CRK: variants seen among roughly 807,000 people sequenced by gnomAD.
The protein encoded by CRK is adapter molecule crk.
A neutral mutation model predicts 29.8 loss-of-function variants in CRK; 4 were observed. The ratio of observed to expected loss-of-function variants is 0.13; its 90% CI spans 0.07 to 0.31. The LOEUF (loss-of-function observed/expected upper bound fraction) is 0.31. Ranked by LOEUF, CRK falls within the 10% of genes least tolerant of loss-of-function variation. The probability of loss-of-function intolerance (pLI) is 1.00; values close to 1 mark genes in which losing one functional copy is unlikely to be tolerated. For missense variants in CRK, 274 were observed against 396.5 expected (o/e 0.69, Z 2.62); for synonymous variants, 153 against 164.9 (o/e 0.93, Z 0.55).
At chr17:1,452,965 C>T (rs2074029995) in intron 1 of CRK, among the ~76,000 whole-genome samples, 1 of 151,978 alleles carries the variant, frequency 6.6e-6, no homozygotes, top group South Asian at 2.1e-4. Flanking sequence ...AACAGTTAAC[C>T]AGGCATGGTG....
intron 1 of CRK, among the ~76,000 whole-genome samples, chr17:1,437,632 G>C (rs1308057274): frequency 6.6e-6 from 1 of 151,744 alleles, no homozygotes; most frequent in Non-Finnish European, 1.5e-5. Context: ...TTACAGAGCA[G>C]TGTAAGCCTC....
At chr17:1,452,957 C>T (rs1350042451) in intron 1 of CRK, among the ~76,000 whole-genome samples, 1 of 151,980 alleles carries the variant, frequency 6.6e-6, no homozygotes, top group Non-Finnish European at 1.5e-5. Context: ...AAATTTTCAA[C>T]AGTTAACCAG....
At chr17:1,453,280 T>C (rs902788513) in intron 1 of CRK, among the ~76,000 whole-genome samples, 4 of 152,186 alleles carry the variant, frequency 2.6e-5, no homozygotes, top group African/African-American at 9.7e-5. Flanking sequence ...GGTGCTCGAT[T>C]ATCACGGTAA....
chr17:1,428,118 C>A (rs1251250841), intron 2 of CRK, among the ~76,000 whole-genome samples: 1 of 135,858 alleles, frequency 7.4e-6, no homozygotes, highest in Admixed American at 7.5e-5. Flanking sequence ...TTCTTTCAGA[C>A]TTTTTTTTTT....
At chr17:1,437,183 T>C (rs369347817) in intron 1 of CRK, 28 bp from the exon 2 acceptor site, 5 of 1,560,926 alleles carry the variant, frequency 3.2e-6, no homozygotes, top group Non-Finnish European at 4.3e-6. Flanking sequence ...GGCTGTTATT[T>C]AATGATGTAC....
chr17:1,436,518 CA>C, intron 2 of CRK, 101 bp downstream of exon 2: 1 of 1,306,462 alleles, frequency 7.7e-7, no homozygotes, highest in Non-Finnish European at 1.0e-6. Context: ...TTGCCATCTA[CA>C]ACATCCCAAT....
At chr17:1,443,368 C>T (rs550048954) in intron 1 of CRK, among the ~76,000 whole-genome samples, 2 of 152,136 alleles carry the variant, frequency 1.3e-5, no homozygotes, top group African/African-American at 4.8e-5. Flanking sequence ...CCCACCAACA[C>T]ACAGCTAATT....
At chr17:1,429,278 G>A (rs912996971) in intron 2 of CRK, among the ~76,000 whole-genome samples, 2 of 151,448 alleles carry the variant, frequency 1.3e-5, no homozygotes, top group African/African-American at 4.9e-5. Flanking sequence ...GAACCCTTGA[G>A]TCCAGGGTTT....
At chr17:1,455,469 C>T (rs1242293728) in intron 1 of CRK, among the ~76,000 whole-genome samples, 2 of 152,204 alleles carry the variant, frequency 1.3e-5, no homozygotes, top group Admixed American at 1.3e-4. Flanking sequence ...GAAACGTTTC[C>T]AGCCTAAAAG....
At chr17:1,450,159 C>T (rs1488479029) in intron 1 of CRK, among the ~76,000 whole-genome samples, 3 of 152,006 alleles carry the variant, frequency 2.0e-5, no homozygotes, top group South Asian at 2.1e-4. Flanking sequence ...GAGCTGAGAT[C>T]GTCCCACTGC....
intron 2 of CRK, among the ~76,000 whole-genome samples, chr17:1,427,806 C>T (rs887763953): frequency 5.0e-4 from 75 of 150,676 alleles, no homozygotes; most frequent in Non-Finnish European, 1.0e-3. Context: ...GTACTTTTTT[C>T]GTATTTTTAG....
At position 1,455,907 on chromosome 17, in the gene CRK, C is replaced by T. The variant is rs1291174190; in HGVS notation, c.211G>A (p.Val71Met). 1 of 1,580,778 alleles carries T rather than the reference C, an allele frequency of 6.3e-7. No homozygotes were observed. The highest frequency in any genetic ancestry group is 8.6e-7 in the Non-Finnish European group (1 of 1,166,378). Residue 71 changes from valine to methionine, a missense_variant, in exon 1 of 3, where the codon GTG becomes ATG. Physicochemically the swap from Val to Met is conservative, Grantham distance 21. This residue lies in a region of CRK where 135 missense variants were observed against 180.9 expected (regional missense o/e 0.75). Coordinates refer to ENST00000300574, the MANE Select transcript of CRK (RefSeq NM_016823.4). ...GGAGGCTGGGCGGGCGACGGTGGCA[C>T]CGGCGGGCGCGGGCCGCTGCTGTTG... The part of the protein sequence containing the change: ...IINSSGPRPP[V>M]PPSPAQPPPG...
chr17:1,450,857 G>A (rs377635500), intron 1 of CRK, among the ~76,000 whole-genome samples: 220 of 152,040 alleles, frequency 1.4e-3, no homozygotes, highest in African/African-American at 4.9e-3. Flanking sequence ...CTGCACTCCA[G>A]ACGGGGCAAC....
At chr17:1,426,575 A>T (rs952005480) in intron 2 of CRK, 3 of 152,040 alleles carry the variant, frequency 2.0e-5, no homozygotes, top group African/African-American at 7.2e-5. Flanking sequence ...TACAAAAAAT[A>T]AAAAAATTGG....
intron 1 of CRK, among the ~76,000 whole-genome samples, chr17:1,442,632 G>T (rs1274621886): frequency 1.7e-5 from 2 of 120,810 alleles, no homozygotes; most frequent in African/African-American, 6.2e-5. Context: ...TTTGAAGACA[G>T]AGTCTTGCTC....
chr17:1,451,027 C>G (rs1278795206), intron 1 of CRK, among the ~76,000 whole-genome samples: 1 of 151,370 alleles, frequency 6.6e-6, no homozygotes. Flanking sequence ...CCCATCTCCA[C>G]TAAAAATACA....
At chr17:1,431,570 G>GA (rs544189554) in intron 2 of CRK, among the ~76,000 whole-genome samples, 2,547 of 146,208 alleles carry the variant, frequency 0.017, 46 homozygotes, top group African/African-American at 0.042. Context: ...AAATACAAAA[G>GA]AAAAAAAAAA....
At chr17:1,450,659 G>A (rs184224403) in intron 1 of CRK, among the ~76,000 whole-genome samples, 69 of 152,082 alleles carry the variant, frequency 4.5e-4, no homozygotes, top group African/African-American at 1.1e-3. Flanking sequence ...CGAGGCGAGC[G>A]GATCACTTGA....
chr17:1,446,422 G>A (rs772092678), intron 1 of CRK, among the ~76,000 whole-genome samples: 12 of 152,194 alleles, frequency 7.9e-5, no homozygotes, highest in East Asian at 7.7e-4. Context: ...ATAGCAGGCC[G>A]AGCGAAATAC....
Sources: gnomAD v4.1 joint callset for allele counts (sites outside exome capture counted in the v4.1 genomes callset) on GRCh38, gnomAD v4.1.1 for gene constraint, gnomAD v4.1.1 regional missense constraint, MANE v1.5 for transcripts, NCBI Gene and HGNC (gene_info 2026-07-23, HGNC 2026-07-21) for gene names.